Variants in COLEC12 observed in about 807,000 individuals in gnomAD.
The protein encoded by COLEC12 is collectin-12.
A neutral mutation model predicts 71.1 loss-of-function variants in COLEC12; 33 were observed. The observed-to-expected ratio is 0.46, with a 90% CI of 0.35 to 0.62. COLEC12 has a LOEUF of 0.62. COLEC12 is among the 20% of genes least tolerant of loss of function. COLEC12 has a pLI of 0.00. For synonymous variants in COLEC12, 350 were observed against 353.0 expected, an observed-to-expected ratio of 0.99 and a Z score of 0.10; for missense variants, 765 against 916.1, an observed-to-expected ratio of 0.84 and a Z score of 2.13.
In COLEC12 at chr18:327,719, A is replaced by G. The variant is rs1332477445; in HGVS notation, c.2063+3949T>C. On this transcript the variant is annotated intron_variant, in intron 8 of 9. Transcript: ENST00000400256. The surrounding 1 kb of genome is among the most constrained non-coding windows in gnomAD (Gnocchi z 4.0). ...CTTTAACAGTAACCACAAAACCTGCAAACTGTTTTAAAAGGATTTCACGCG... is the reference window on the plus strand; with the variant it reads ...CTTTAACAGTAACCACAAAACCTGCGAACTGTTTTAAAAGGATTTCACGCG... Among the ~76,000 whole-genome samples the G allele has an allele frequency of 6.6e-6, 1 of 152,234 alleles. No individual in the cohort carries two copies. The highest frequency in any genetic ancestry group is 2.1e-4 in the South Asian group (1 of 4,834).
At chr18:404,698 A>C (rs1010878225) in intron 2 of COLEC12, among the ~76,000 whole-genome samples, 2 of 152,194 alleles carry the variant, frequency 1.3e-5, no homozygotes, top group Non-Finnish European at 2.9e-5. Flanking sequence ...TAATCCTGTT[A>C]TCTTCATAAG....
At chr18:416,637 C>A (rs1915990970) in intron 2 of COLEC12, among the ~76,000 whole-genome samples, 1 of 152,138 alleles carries the variant, frequency 6.6e-6, no homozygotes, top group Non-Finnish European at 1.5e-5. Context: ...GACTCCTCCA[C>A]CGCCATGCTG....
chr18:390,020 T>C (rs1444283630), intron 2 of COLEC12, among the ~76,000 whole-genome samples: 2 of 152,234 alleles, frequency 1.3e-5, no homozygotes, highest in Admixed American at 6.5e-5. Context: ...AAGATAAGGT[T>C]CTGATGGAAT....
intron 3 of COLEC12, among the ~76,000 whole-genome samples, chr18:354,741 G>T (rs753885100): frequency 6.6e-6 from 1 of 150,796 alleles, no homozygotes; most frequent in Non-Finnish European, 1.5e-5. Context: ...AAGCAAAAGT[G>T]CATGTTGTAT....
chr18:430,465 T>G (rs1916282458), intron 2 of COLEC12, among the ~76,000 whole-genome samples: 1 of 152,222 alleles, frequency 6.6e-6, no homozygotes, highest in Non-Finnish European at 1.5e-5. Context: ...TTCCTAATTA[T>G]TAGTAGTACA....
At chr18:437,183 C>T (rs1309076269) in intron 2 of COLEC12, among the ~76,000 whole-genome samples, 1 of 152,192 alleles carries the variant, frequency 6.6e-6, no homozygotes, top group Non-Finnish European at 1.5e-5. Context: ...AATAGCTCCA[C>T]TGAACACTGA....
At chr18:328,604 T>C (rs1321501330) in intron 8 of COLEC12, among the ~76,000 whole-genome samples, 2 of 152,242 alleles carry the variant, frequency 1.3e-5, no homozygotes, top group East Asian at 1.9e-4. Context: ...GCACTTCCTA[T>C]GTGCCAAGCC....
At chr18:402,119 A>G (rs185100005) in intron 2 of COLEC12, among the ~76,000 whole-genome samples, 1 of 152,328 alleles carries the variant, frequency 6.6e-6, no homozygotes, top group African/African-American at 2.4e-5. Context: ...ACAGAAGCAA[A>G]GCAGCCAAAG....
At position 408,716 on chromosome 18, in the gene COLEC12, G is replaced by A. The variant is rs1915835215; in HGVS notation, c.59-51194C>T. 1.3e-5 allele frequency among the ~76,000 whole-genome samples: 2 copies of A among 152,182 alleles called. No homozygotes were observed. Among genetic ancestry groups the A allele is most frequent in the Non-Finnish European group, 2.9e-5 (2 of 68,038 alleles). ...AGGAAGTAGGTCTAAATTCATTAATGTGTATAGATAGAGCTCCTTAGGAAA... is the reference window on the plus strand; with the variant it reads ...AGGAAGTAGGTCTAAATTCATTAATATGTATAGATAGAGCTCCTTAGGAAA... On this transcript the variant is annotated intron_variant, in intron 2 of 9. Coordinates refer to ENST00000400256, the MANE Select transcript of COLEC12 (RefSeq NM_130386.3). The surrounding 1 kb of genome is among the most constrained non-coding windows in gnomAD (Gnocchi z 4.3).
intron 2 of COLEC12, among the ~76,000 whole-genome samples, chr18:452,891 G>C (rs1328897028): frequency 6.6e-6 from 1 of 152,224 alleles, no homozygotes; most frequent in Non-Finnish European, 1.5e-5. Context: ...AGAATGCTGT[G>C]ATTCTGTCCC....
chr18:483,718 C>T (rs1917467692), intron 1 of COLEC12, among the ~76,000 whole-genome samples: 1 of 152,194 alleles, frequency 6.6e-6, no homozygotes, highest in African/African-American at 2.4e-5. Flanking sequence ...CTAATCTGTC[C>T]TATTAATGCT....
Position 347,014 on chromosome 18 carries a change from A to G in COLEC12, c.608T>C (p.Ile203Thr). 1 of 1,614,216 alleles carries G rather than the reference A, an allele frequency of 6.2e-7. No individual in the cohort carries two copies. The highest frequency in any genetic ancestry group is 8.5e-7 in the Non-Finnish European group (1 of 1,180,044). The part of the protein sequence containing the change: ...QNQMYSHNVV[I>T]MNLNNLNLTQ... ...CAGGTTCAGGTTGTTGAGGTTCATG[A>G]TGACCACATTATGAGAATACATTTG... Residue 203 changes from isoleucine (I) to threonine (T), a missense_variant, in exon 5 of 10, where the codon ATC (isoleucine) becomes ACC (threonine). By Grantham distance (89) the Ile-to-Thr change is moderately conservative. Coordinates refer to ENST00000400256, the MANE Select transcript of COLEC12 (RefSeq NM_130386.3).
chr18:458,528 G>C (rs2143728818), intron 2 of COLEC12, among the ~76,000 whole-genome samples: 1 of 152,316 alleles, frequency 6.6e-6, no homozygotes, highest in South Asian at 2.1e-4. Context: ...TGCTGTTCCT[G>C]GTTGTCCAGA....
At chr18:462,867 T>C (rs1917009804) in intron 2 of COLEC12, among the ~76,000 whole-genome samples, 2 of 152,242 alleles carry the variant, frequency 1.3e-5, no homozygotes, top group East Asian at 1.9e-4. Context: ...TTGAAGCCTA[T>C]ACGTTTCTTT....
intron 2 of COLEC12, among the ~76,000 whole-genome samples, chr18:377,743 G>C (rs903025644): frequency 2.6e-5 from 4 of 152,136 alleles, no homozygotes; most frequent in African/African-American, 4.8e-5. Flanking sequence ...CAGAGCCTGA[G>C]CTTGGAGCAC....
chr18:461,364 TTTC>T (rs1176363602), intron 2 of COLEC12, among the ~76,000 whole-genome samples: 5 of 152,186 alleles, frequency 3.3e-5, no homozygotes, highest in Admixed American at 2.0e-4. Context: ...TATGAGAGGT[TTTC>T]TTTTTTAAAA....
chr18:389,606 G>C (rs1051762005), intron 2 of COLEC12, among the ~76,000 whole-genome samples: 1 of 151,438 alleles, frequency 6.6e-6, no homozygotes, highest in African/African-American at 2.4e-5. Flanking sequence ...TTTAAAAAAA[G>C]ATATAGCACT....
At chr18:382,432 C>G (rs994040646) in intron 2 of COLEC12, among the ~76,000 whole-genome samples, 2 of 152,174 alleles carry the variant, frequency 1.3e-5, no homozygotes, top group African/African-American at 4.8e-5. Flanking sequence ...TGCATCTCAT[C>G]ACAACAGAGT....
chr18:325,517 C>T (rs894887652), intron 8 of COLEC12, among the ~76,000 whole-genome samples: 21 of 151,856 alleles, frequency 1.4e-4, no homozygotes, highest in African/African-American at 4.1e-4. Flanking sequence ...ACCCAGGTCC[C>T]GTATGTGTCC....
Sources: allele counts gnomAD v4.1 joint callset (sites outside exome capture counted in the v4.1 genomes callset), GRCh38; gene constraint gnomAD v4.1.1; non-coding constraint Gnocchi (gnomAD v3.1); transcripts MANE v1.5; gene names NCBI Gene and HGNC (gene_info 2026-07-23, HGNC 2026-07-21).